Variants in WNK3 observed in about 807,000 individuals in gnomAD.
WNK3 encodes serine/threonine-protein kinase WNK3.
WNK3 carries 18 observed loss-of-function variants against 116.7 expected under a neutral mutation model. The observed-to-expected ratio is 0.15, with a 90% CI of 0.11 to 0.23. WNK3 has a LOEUF of 0.23. WNK3 is among the 10% of genes least tolerant of loss of function. The pLI is 1.00. For missense variants in WNK3, 993 were observed against 1,323.8 expected (o/e 0.75, Z 3.88); for synonymous variants, 404 against 469.4 (o/e 0.86, Z 1.80).
At chrX:54,276,013 C>T (rs1379429423) in intron 10 of WNK3, among the ~76,000 whole-genome samples, 1 of 110,560 alleles carries the variant, frequency 9.0e-6, no homozygotes, top group Non-Finnish European at 1.9e-5. Context: ...CGTGGATGCA[C>T]CAAATAAGAG....
At chrX:54,295,535 T>G (rs1557166134) in intron 7 of WNK3, among the ~76,000 whole-genome samples, 4 of 112,190 alleles carry the variant, frequency 3.6e-5, no homozygotes, top group Non-Finnish European at 7.5e-5. Flanking sequence ...TACAGGTGAC[T>G]AAGTTGGTCC....
intron 4 of WNK3, 27 bp downstream of exon 4, chrX:54,309,068 A>AGTTT: frequency 8.6e-7 from 1 of 1,169,186 alleles, no homozygotes; most frequent in Non-Finnish European, 1.2e-6. Flanking sequence ...TCTTTACCCA[A>AGTTT]CCAGTAAACT....
intron 20 of WNK3, among the ~76,000 whole-genome samples, chrX:54,234,857 A>C (rs1557149799): frequency 1.8e-5 from 2 of 110,781 alleles, no homozygotes; most frequent in South Asian, 3.8e-4. Flanking sequence ...AACCAAACCA[A>C]AACAAAACAA....
At chrX:54,325,224 T>C (rs1276617653) in intron 2 of WNK3, among the ~76,000 whole-genome samples, 2 of 111,229 alleles carry the variant, frequency 1.8e-5, no homozygotes, top group African/African-American at 6.5e-5. Context: ...ATAGCTCGAG[T>C]TGTTAGATAT....
chrX:54,278,839 G>A (rs1452209533), intron 10 of WNK3, among the ~76,000 whole-genome samples: 4 of 111,884 alleles, frequency 3.6e-5, no homozygotes, highest in Admixed American at 1.9e-4. Flanking sequence ...GGGAGGCTAA[G>A]GCGGGTGGAT....
chrX:54,205,247 CCAACCAACCAACCAACCAACCAAA>C (rs1288227828), intron 22 of WNK3, among the ~76,000 whole-genome samples: 6 of 88,888 alleles, frequency 6.8e-5, no homozygotes, highest in Non-Finnish European at 8.2e-5. Context: ...AACCAACCAA[CCAACCAACCAACCAACCAACCAAA>C]CAAACAAACA....
chrX:54,349,115 C>T (rs1349302386), intron 1 of WNK3, among the ~76,000 whole-genome samples: 1 of 112,266 alleles, frequency 8.9e-6, no homozygotes, highest in Non-Finnish European at 1.9e-5. Context: ...ACAGGTGGAT[C>T]ACCTGAGGTC....
At chrX:54,335,585 T>G (rs1226536718) in intron 1 of WNK3, among the ~76,000 whole-genome samples, 1 of 103,413 alleles carries the variant, frequency 9.7e-6, no homozygotes, top group Non-Finnish European at 2.0e-5. Flanking sequence ...AAAGATTTGT[T>G]AAGAATTATG....
chrX:54,358,062 G>T (rs1201901490), upstream of WNK3: 3 of 111,167 alleles, frequency 2.7e-5, no homozygotes, highest in Non-Finnish European at 3.8e-5. Context: ...AGGGGCGGAG[G>T]GGGGGCGGGG....
chrX:54,213,952 T>C (rs1365541148), intron 22 of WNK3, among the ~76,000 whole-genome samples: 2 of 110,867 alleles, frequency 1.8e-5, no homozygotes, highest in East Asian at 5.6e-4. Flanking sequence ...CTGTAACTAC[T>C]ATTGAAGAGT....
Position 54,222,894 on chromosome X carries a change from T to TATA in WNK3, c.4870+5817_4870+5819dup, listed in dbSNP as rs1177160777. ...CTGTCTCAAAAAAAAAAAAGTATAGTATAATAATAATAATAATAATAATAT... is the reference window on the plus strand; with the variant it reads ...CTGTCTCAAAAAAAAAAAAGTATAGTATAATAATAATAATAATAATAATAATAT... On this transcript the variant is annotated intron_variant, in intron 22 of 23. Transcript: ENST00000354646. Among the ~76,000 whole-genome samples, 816 of 83,599 alleles carry TATA rather than the reference T, an allele frequency of 9.8e-3. 6 individuals carry two copies. The highest frequency in any genetic ancestry group is 0.035 in the African/African-American group (676 of 19,387). The allele number at this position is 83,599 out of a possible 115,157, so 72.6% of individuals were successfully genotyped here. A position where few individuals can be genotyped will look rare whatever the true frequency, so the allele number is the denominator to read the frequency against.
At position 54,254,077 on chromosome X, in the gene WNK3, T is replaced by G; in HGVS notation, c.2251-2A>C. The G allele has an allele frequency of 8.6e-7, 1 of 1,162,881 alleles. No individual in the cohort carries two copies. The highest frequency in any genetic ancestry group is 1.2e-6 in the Non-Finnish European group (1 of 854,805). Reference sequence around the variant, plus strand: ...CATGTTATCTCCAGAGGTTGATACCTGAGTACAAACATTTTACCGGTTTAA... The same window carrying G: ...CATGTTATCTCCAGAGGTTGATACCGGAGTACAAACATTTTACCGGTTTAA... On this transcript the variant is annotated splice_acceptor_variant, in intron 12 of 23. Transcript: ENST00000354646. LOFTEE classifies it high-confidence loss of function.
At chrX:54,214,750 C>T (rs1053561927) in intron 22 of WNK3, among the ~76,000 whole-genome samples, 3 of 111,357 alleles carry the variant, frequency 2.7e-5, no homozygotes, top group African/African-American at 6.5e-5. Context: ...CGGTGGCTCA[C>T]GCCTGTAATC....
At chrX:54,201,627 G>C (rs2067501409) in intron 23 of WNK3, among the ~76,000 whole-genome samples, 1 of 111,151 alleles carries the variant, frequency 9.0e-6, no homozygotes, top group African/African-American at 3.3e-5. Context: ...CTAAAACAAG[G>C]GTCGGCAAAC....
At chrX:54,353,558 C>T (rs2069548269) in intron 1 of WNK3, among the ~76,000 whole-genome samples, 1 of 111,039 alleles carries the variant, frequency 9.0e-6, no homozygotes, top group African/African-American at 3.3e-5. Flanking sequence ...ACCAGCCTGG[C>T]TAACATTGTG....
intron 10 of WNK3, among the ~76,000 whole-genome samples, chrX:54,285,904 C>T (rs2068574979): frequency 1.8e-5 from 2 of 111,657 alleles, no homozygotes; most frequent in Non-Finnish European, 3.8e-5. Flanking sequence ...TTGGCAACTT[C>T]CTTTAAACTT....
intron 22 of WNK3, among the ~76,000 whole-genome samples, chrX:54,210,217 A>G (rs1250881371): frequency 8.9e-6 from 1 of 112,305 alleles, no homozygotes; most frequent in Non-Finnish European, 1.9e-5. Context: ...TGGAAGGTAC[A>G]TGTGGAGCAT....
chrX:54,345,240 T>TCAACAA (rs78968161), intron 1 of WNK3, among the ~76,000 whole-genome samples: 48 of 93,205 alleles, frequency 5.1e-4, no homozygotes, highest in African/African-American at 1.8e-3. Context: ...AGACTCTGTC[T>TCAACAA]CAACAACAAC....
chrX:54,243,764 T>C (rs144980145), intron 17 of WNK3, among the ~76,000 whole-genome samples: 97 of 111,933 alleles, frequency 8.7e-4, no homozygotes, highest in African/African-American at 3.1e-3. Flanking sequence ...TTCAAAAAGT[T>C]AAACGTAGAA....
Sources: gnomAD v4.1 joint callset for allele counts (sites outside exome capture counted in the v4.1 genomes callset) on GRCh38, gnomAD v4.1.1 for gene constraint, MANE v1.5 for transcripts, NCBI Gene and HGNC (gene_info 2026-07-23, HGNC 2026-07-21) for gene names.